TEX11: variants seen among roughly 807,000 people sequenced by gnomAD.
The protein encoded by TEX11 is testis-expressed protein 11.
In TEX11, 7 loss-of-function variants were observed where a neutral mutation model predicts 84.4. The observed-to-expected ratio is 0.08, with a 90% confidence interval of 0.05 to 0.16. The LOEUF (loss-of-function observed/expected upper bound fraction) is 0.16. Among genes scored for constraint, TEX11 ranks in the 10% least tolerant of loss-of-function variants. The pLI is 1.00. For missense variants in TEX11, 551 were observed against 660.5 expected, an observed-to-expected ratio of 0.83 and a Z score of 1.82; for synonymous variants, 264 against 222.8, an observed-to-expected ratio of 1.18 and a Z score of -1.64.
intron 8 of TEX11, among the ~76,000 whole-genome samples, chrX:70,818,055 G>A (rs138167161): frequency 0.01 from 1,127 of 111,283 alleles, 15 homozygotes; most frequent in African/African-American, 0.036. Context: ...TTGGAAGGCC[G>A]AGGTGGGCGG....
chrX:70,826,139 G>A (rs1028494976), intron 8 of TEX11, among the ~76,000 whole-genome samples: 12 of 109,609 alleles, frequency 1.1e-4, no homozygotes, highest in Admixed American at 4.9e-4. Context: ...CCCCCCCAAC[G>A]TCTCTACTAA....
At chrX:70,512,259 G>C in the TEX11 span, among the ~76,000 whole-genome samples, 1 of 107,375 alleles carries the variant, frequency 9.3e-6, no homozygotes, top group African/African-American at 3.5e-5. Flanking sequence ...TTTAGAGATG[G>C]AGTGGCTGGA....
intron 25 of TEX11, among the ~76,000 whole-genome samples, chrX:70,587,813 C>T (rs1008750818): frequency 1.8e-5 from 2 of 112,243 alleles, no homozygotes; most frequent in Admixed American, 9.4e-5. Context: ...AATGCCAGCC[C>T]GTGAAAGCAA....
intron 25 of TEX11, among the ~76,000 whole-genome samples, chrX:70,570,095 C>A (rs1475392746): frequency 1.8e-5 from 2 of 111,999 alleles, no homozygotes; most frequent in Admixed American, 1.9e-4. Context: ...TTTACCTAAG[C>A]AAGCCTGGGC....
At chrX:70,644,528 T>G (rs1455010585) in intron 17 of TEX11, among the ~76,000 whole-genome samples, 1 of 108,270 alleles carries the variant, frequency 9.2e-6, no homozygotes, top group African/African-American at 3.4e-5. Context: ...AACCCAAATG[T>G]CCAACAATGA....
chrX:70,623,065 T>A (rs749872921), intron 20 of TEX11, among the ~76,000 whole-genome samples: 8 of 112,267 alleles, frequency 7.1e-5, no homozygotes, highest in Non-Finnish European at 1.1e-4. Context: ...GCAAAACTTA[T>A]AATATGCAAT....
At chrX:70,554,852 T>C (rs2088265375) in intron 25 of TEX11, 52 bp from the exon 26 acceptor site, 1 of 1,068,205 alleles carries the variant, frequency 9.4e-7, no homozygotes, top group African/African-American at 1.9e-5. Flanking sequence ...TATATTATTC[T>C]CTTTGGTTGT....
intron 16 of TEX11, among the ~76,000 whole-genome samples, chrX:70,661,467 A>C (rs1394897701): frequency 1.8e-5 from 2 of 112,454 alleles, no homozygotes; most frequent in East Asian, 5.6e-4. Flanking sequence ...TAGCCAAACA[A>C]AAGGCAGCAG....
intron 20 of TEX11, among the ~76,000 whole-genome samples, chrX:70,613,483 C>T (rs1433123552): frequency 8.9e-6 from 1 of 112,024 alleles, no homozygotes; most frequent in African/African-American, 3.2e-5. Flanking sequence ...AGCCAACTCC[C>T]GCTAACAGAG....
the TEX11 span, among the ~76,000 whole-genome samples, chrX:70,518,429 A>G: frequency 8.9e-6 from 1 of 111,837 alleles, no homozygotes; most frequent in Non-Finnish European, 1.9e-5. Flanking sequence ...GTAGTTGTGT[A>G]GTTTTGAGTG....
intron 25 of TEX11, among the ~76,000 whole-genome samples, chrX:70,579,223 T>A (rs2088728172): frequency 9.2e-6 from 1 of 109,043 alleles, no homozygotes; most frequent in African/African-American, 3.3e-5. Context: ...GCGCGGTGGC[T>A]CACACCTGTA....
At chrX:70,736,525 A>G (rs2090697139) in intron 11 of TEX11, among the ~76,000 whole-genome samples, 1 of 109,483 alleles carries the variant, frequency 9.1e-6, no homozygotes, top group Non-Finnish European at 1.9e-5. Flanking sequence ...TCTTCTAGCT[A>G]AGCTCTGAGT....
At chrX:70,832,967 T>A (rs1329198069) in intron 8 of TEX11, among the ~76,000 whole-genome samples, 1 of 111,179 alleles carries the variant, frequency 9.0e-6, no homozygotes, top group Non-Finnish European at 1.9e-5. Flanking sequence ...GCAAAGAAAA[T>A]TTTAAGAAAT....
chrX:70,624,804 A>T, intron 19 of TEX11, 35 bp downstream of exon 19: 1 of 1,097,099 alleles, frequency 9.1e-7, no homozygotes, highest in Non-Finnish European at 1.2e-6. Flanking sequence ...AAGCAGAGGA[A>T]ATACTTTCTC....
chrX:70,718,249 T>C lies in TEX11; in HGVS notation c.1004+4369A>G, dbSNP rs1033374250. Among the ~76,000 whole-genome samples, 3 of 112,462 alleles carry C rather than the reference T, an allele frequency of 2.7e-5. No individual in the cohort carries two copies. In the East Asian group the frequency reaches 8.4e-4, roughly 31 times the overall value. ...TCTTTACTGACATTAGTAAAATTAA[T>C]TGAAAAAGACAAAATAGGCAATATT... On this transcript the variant is annotated intron_variant, in intron 13 of 29. Transcript: ENST00000374333.
At chrX:70,874,362 C>CCTCA (rs1414095301) in intron 3 of TEX11, among the ~76,000 whole-genome samples, 2 of 107,240 alleles carry the variant, frequency 1.9e-5, no homozygotes, top group Non-Finnish European at 3.8e-5. Flanking sequence ...CACATAGTAT[C>CCTCA]CTCAATGCCA....
At chrX:70,772,765 C>A (rs1172281610) in intron 9 of TEX11, among the ~76,000 whole-genome samples, 2 of 109,055 alleles carry the variant, frequency 1.8e-5, no homozygotes, top group African/African-American at 6.7e-5. Flanking sequence ...AATATATAAG[C>A]AAAATAAGAA....
At chrX:70,765,706 C>G (rs2090935931) in intron 9 of TEX11, among the ~76,000 whole-genome samples, 1 of 111,752 alleles carries the variant, frequency 8.9e-6, no homozygotes, top group African/African-American at 3.3e-5. Flanking sequence ...AACTGAAAGC[C>G]TTTCCTCTAA....
In TEX11 at chrX:70,680,596, A is replaced by G. The variant is rs1017271060; in HGVS notation, c.1157-1707T>C. Among the ~76,000 whole-genome samples the G allele has an allele frequency of 4.9e-4, 51 of 103,738 alleles. 1 individual carries two copies. The South Asian group carries it at 0.021, about 43-fold the overall frequency. 90.1% of individuals were successfully genotyped at this position (103,738 alleles called of 115,157 possible). A position where few individuals can be genotyped will look rare whatever the true frequency, so the allele number is the denominator to read the frequency against. ...TGATCAATTAAAAAAAAAAAAAAAA[A>G]GAATCTCGGTCTATTACATTAAGTA... is the stretch of plus-strand genomic sequence containing the variant. On this transcript the variant is annotated intron_variant, in intron 14 of 29. Transcript: ENST00000374333.
Sources: gnomAD v4.1 joint callset for allele counts (sites outside exome capture counted in the v4.1 genomes callset) on GRCh38, gnomAD v4.1.1 for gene constraint, MANE v1.5 for transcripts, NCBI Gene and HGNC (gene_info 2026-07-23, HGNC 2026-07-21) for gene names.